USH2A: variants seen among roughly 807,000 people sequenced by gnomAD.
USH2A encodes the protein Usher syndrome 2A (autosomal recessive, mild).
USH2A carries 443 observed loss-of-function variants against 538.9 expected under a neutral mutation model. The observed-to-expected ratio is 0.82, with a 90% CI of 0.76 to 0.89. The LOEUF (loss-of-function observed/expected upper bound fraction) is 0.89. Among genes scored for constraint, USH2A ranks in the 40% least tolerant of loss-of-function variants. USH2A has a pLI of 0.00. For synonymous variants in USH2A, 2,413 were observed against 2,273.5 expected (o/e 1.06, Z -1.75); for missense variants, 6,633 against 6,324.8 (o/e 1.05, Z -1.65).
intron 58 of USH2A, 126 bp from the exon 59 acceptor site, chr1:215,743,461 GACACACATATATATATAAATAAAACAGAA>G (rs1660375524): frequency 7.5e-5 from 17 of 227,892 alleles, no homozygotes; most frequent in African/African-American, 5.2e-4. Flanking sequence ...AATATATATA[GACACACATATATATATAAATAAAACAGAA>G]TGGGCAACAA....
chr1:216,025,902 G>A (rs544414045), intron 32 of USH2A, among the ~76,000 whole-genome samples: 1 of 152,102 alleles, frequency 6.6e-6, no homozygotes, highest in South Asian at 2.1e-4. Flanking sequence ...CTCCCTACAT[G>A]AAATAGATAT....
At chr1:215,994,807 G>GA (rs1042844952) in intron 34 of USH2A, among the ~76,000 whole-genome samples, 8 of 151,994 alleles carry the variant, frequency 5.3e-5, no homozygotes, top group African/African-American at 1.7e-4. Context: ...GATTAAAATA[G>GA]AAAAAAAGTT....
chr1:215,917,381 T>G (rs1571811031), intron 38 of USH2A, among the ~76,000 whole-genome samples: 1 of 152,148 alleles, frequency 6.6e-6, no homozygotes, highest in Non-Finnish European at 1.5e-5. Context: ...AGCCCTTTGT[T>G]TAAAGCATAT....
Position 215,648,558 on chromosome 1 carries a change from G to A in USH2A, c.14552C>T (p.Pro4851Leu). 6.2e-7 allele frequency: 1 copy of A among 1,614,156 alleles called. No individual in the cohort carries two copies. Among genetic ancestry groups the A allele is most frequent in the Non-Finnish European group, 8.5e-7 (1 of 1,180,038 alleles). ...ASRTASFRWSPPMFPNGVIHS... is the reference protein window; with the variant it reads ...ASRTASFRWSLPMFPNGVIHS... ...AATGACACCATTGGGGAACATGGGGGGACTCCACCGGAAGGAGGCCGTCCT... is the reference window on the plus strand; with the variant it reads ...AATGACACCATTGGGGAACATGGGGAGACTCCACCGGAAGGAGGCCGTCCT... Residue 4851 changes from proline (P) to leucine (L), a missense_variant, in exon 66 of 72, where the codon CCC (proline) becomes CTC (leucine). Transcript: ENST00000307340.
At chr1:215,690,732 CT>C (rs11436650) in intron 61 of USH2A, among the ~76,000 whole-genome samples, 32,263 of 151,466 alleles carry the variant, frequency 0.21, 3,911 homozygotes, top group South Asian at 0.52. Context: ...TTCATTTTCT[CT>C]TTTTTTTCAC....
intron 36 of USH2A, among the ~76,000 whole-genome samples, chr1:215,966,048 C>A (rs1380042686): frequency 6.6e-6 from 1 of 151,788 alleles, no homozygotes; most frequent in Admixed American, 6.6e-5. Flanking sequence ...GTAAAAATGG[C>A]ATCATGCTAA....
chr1:215,836,488 T>TATATAATATATATTATA (rs1553267731), intron 47 of USH2A, among the ~76,000 whole-genome samples: 3 of 20,810 alleles, frequency 1.4e-4, no homozygotes, highest in African/African-American at 4.3e-4. Context: ...ATAATATATA[T>TATATAATATATATTATA]TATATATATA....
At chr1:216,019,448 G>A (rs190261695) in intron 32 of USH2A, among the ~76,000 whole-genome samples, 68 of 152,258 alleles carry the variant, frequency 4.5e-4, no homozygotes, top group Middle Eastern at 6.8e-3. Flanking sequence ...AAAATGGGGG[G>A]AGAAGTTAGA....
At chr1:215,696,322 G>T (rs1658807162) in intron 61 of USH2A, among the ~76,000 whole-genome samples, 1 of 152,116 alleles carries the variant, frequency 6.6e-6, no homozygotes, top group African/African-American at 2.4e-5. Flanking sequence ...TCTTAGGAGT[G>T]GCAGAGGCAG....
Position 216,261,281 on chromosome 1 carries a change from A to G in USH2A, c.1972-10183T>C, listed in dbSNP as rs572102961. On this transcript the variant is annotated intron_variant, in intron 11 of 71. Coordinates refer to ENST00000307340, the MANE Select transcript of USH2A (RefSeq NM_206933.4). The stretch of plus-strand genomic sequence containing the variant: ...AAAATATAGAAACAAAAAAAAGCCT[A>G]AAAGAATAAACAATTGGTGAAAGAA... 2.0e-4 allele frequency among the ~76,000 whole-genome samples: 31 copies of G among 152,128 alleles called. 1 individual carries two copies. The South Asian group carries it at 6.4e-3, about 32-fold the overall frequency.
intron 60 of USH2A, among the ~76,000 whole-genome samples, chr1:215,739,359 A>G (rs1189701458): frequency 4.6e-5 from 7 of 152,208 alleles, no homozygotes; most frequent in Admixed American, 3.9e-4. Context: ...TTTTCATTGA[A>G]GCGGGCTTTC....
At chr1:215,890,017 A>G (rs1253750346) in intron 40 of USH2A, among the ~76,000 whole-genome samples, 1 of 152,160 alleles carries the variant, frequency 6.6e-6, no homozygotes, top group East Asian at 1.9e-4. Flanking sequence ...TATTATATTG[A>G]GGCTTTACTG....
chr1:215,991,005 C>A (rs1190715796), intron 35 of USH2A, among the ~76,000 whole-genome samples: 2 of 152,042 alleles, frequency 1.3e-5, no homozygotes, highest in African/African-American at 2.4e-5. Context: ...TCATGATCCA[C>A]CCCCCTCAGC....
chr1:215,700,903 G>T (rs899206693), intron 61 of USH2A, among the ~76,000 whole-genome samples: 2 of 152,074 alleles, frequency 1.3e-5, no homozygotes, highest in Non-Finnish European at 2.9e-5. Flanking sequence ...TGATGTTAGG[G>T]TGTTGATTTT....
At chr1:216,030,314 TCA>T (rs914409202) in intron 32 of USH2A, among the ~76,000 whole-genome samples, 46 of 136,114 alleles carry the variant, frequency 3.4e-4, no homozygotes, top group African/African-American at 1.2e-3. Flanking sequence ...TAGATATATA[TCA>T]CAGATATATA....
intron 61 of USH2A, among the ~76,000 whole-genome samples, chr1:215,707,285 C>A (rs1659208783): frequency 1.3e-5 from 2 of 152,146 alleles, no homozygotes; most frequent in Admixed American, 6.5e-5. Flanking sequence ...CAGGAAGAGT[C>A]CACTTCTGAG....
intron 21 of USH2A, among the ~76,000 whole-genome samples, chr1:216,145,362 C>G (rs764659053): frequency 1.3e-5 from 2 of 152,014 alleles, no homozygotes; most frequent in African/African-American, 4.8e-5. Context: ...AGGGGCAATG[C>G]GGTAAGAAGG....
At chr1:215,978,067 C>T (rs539007099) in intron 35 of USH2A, among the ~76,000 whole-genome samples, 83 of 152,268 alleles carry the variant, frequency 5.5e-4, no homozygotes, top group African/African-American at 1.8e-3. Flanking sequence ...GTCGAGGCTG[C>T]AGTGGGCCAT....
intron 16 of USH2A, among the ~76,000 whole-genome samples, chr1:216,203,108 T>C (rs185556951): frequency 6.6e-6 from 1 of 152,240 alleles, no homozygotes; most frequent in East Asian, 1.9e-4. Context: ...TGATCTATTG[T>C]TCCAGGAAAG....
Sources: allele counts gnomAD v4.1 joint callset (sites outside exome capture counted in the v4.1 genomes callset), GRCh38; gene constraint gnomAD v4.1.1; transcripts MANE v1.5; gene names NCBI Gene and HGNC (gene_info 2026-07-23, HGNC 2026-07-21).